Variants in FRMD6 observed in about 807,000 individuals in gnomAD.
FRMD6 encodes FERM domain containing 6, also known as FERM domain-containing protein 6.
FRMD6 carries 37 observed loss-of-function variants against 73.2 expected under a neutral mutation model. That is an observed-to-expected ratio of 0.51 (90% CI 0.39 to 0.66). The LOEUF (loss-of-function observed/expected upper bound fraction) is 0.66, where lower values mean the gene tolerates loss of function less well. Ranked by LOEUF, FRMD6 falls within the 30% of genes least tolerant of loss-of-function variation. The pLI, the probability that FRMD6 is intolerant of heterozygous loss-of-function variation, is 0.00. For missense variants in FRMD6, 714 were observed against 780.5 expected (o/e 0.91, Z 1.02); for synonymous variants, 273 against 282.2 (o/e 0.97, Z 0.33).
At chr14:51,514,930 G>T (rs995805311) in intron 1 of FRMD6, among the ~76,000 whole-genome samples, 2 of 152,224 alleles carry the variant, frequency 1.3e-5, no homozygotes, top group Non-Finnish European at 2.9e-5. Context: ...GAAGGTGGTT[G>T]TGGGTATTGC....
At chr14:51,417,135 G>A in the FRMD6 span, among the ~76,000 whole-genome samples, 1 of 152,212 alleles carries the variant, frequency 6.6e-6, no homozygotes, top group African/African-American at 2.4e-5. Context: ...TTTAATTGAG[G>A]CATTTAGCCC....
the FRMD6 span, among the ~76,000 whole-genome samples, chr14:51,466,112 ATACTT>A: frequency 6.6e-6 from 1 of 152,202 alleles, no homozygotes; most frequent in Admixed American, 6.5e-5. Context: ...AAGTGTTCGA[ATACTT>A]TACCCATTAA....
chr14:51,524,544 G>T (rs907133991), intron 1 of FRMD6, among the ~76,000 whole-genome samples: 4 of 151,062 alleles, frequency 2.6e-5, no homozygotes, highest in African/African-American at 9.8e-5. Context: ...GACGGGGGGG[G>T]TCTCTTTGTT....
At chr14:51,601,556 GCTTTA>G (rs1330867617) in intron 2 of FRMD6, among the ~76,000 whole-genome samples, 17 of 152,158 alleles carry the variant, frequency 1.1e-4, no homozygotes, top group African/African-American at 3.6e-4. Flanking sequence ...TTTGTTTGGA[GCTTTA>G]CAAATCTCTA....
intron 1 of FRMD6, among the ~76,000 whole-genome samples, chr14:51,663,328 A>G (rs1357526475): frequency 6.6e-6 from 1 of 152,226 alleles, no homozygotes; most frequent in East Asian, 1.9e-4. Context: ...GTTCATTGCT[A>G]CACTATTCAC....
chr14:51,439,143 G>A, the FRMD6 span, among the ~76,000 whole-genome samples: 1 of 152,150 alleles, frequency 6.6e-6, no homozygotes, highest in South Asian at 2.1e-4. Flanking sequence ...GAAATTCAAA[G>A]CTTTTTGATG....
the FRMD6 span, among the ~76,000 whole-genome samples, chr14:51,438,407 C>A: frequency 6.6e-6 from 1 of 152,200 alleles, no homozygotes; most frequent in African/African-American, 2.4e-5. Context: ...TAAAAGTGTA[C>A]AAGTTGCTTT....
chr14:51,509,973 C>T (rs1300315324), intron 1 of FRMD6, among the ~76,000 whole-genome samples: 2 of 152,208 alleles, frequency 1.3e-5, no homozygotes, highest in Non-Finnish European at 2.9e-5. Context: ...CCAATGGAGG[C>T]GGTCCAAGAT....
chr14:51,706,416 T>C (rs1215716602), intron 6 of FRMD6, among the ~76,000 whole-genome samples: 1 of 152,060 alleles, frequency 6.6e-6, no homozygotes. Context: ...CTCTGTCACC[T>C]GTGGAGTGAA....
chr14:51,587,353 T>G (rs1398267595), intron 2 of FRMD6, among the ~76,000 whole-genome samples: 1 of 152,172 alleles, frequency 6.6e-6, no homozygotes, highest in Non-Finnish European at 1.5e-5. Flanking sequence ...GAGTGTCACC[T>G]CCTCTTAGAT....
the FRMD6 span, chr14:51,397,210 A>G: frequency 3.9e-5 from 6 of 152,358 alleles, no homozygotes; most frequent in African/African-American, 7.2e-5. Context: ...GAGTCTATAT[A>G]TATACATCAG....
At chr14:51,727,094 G>A (rs142141088) in intron 13 of FRMD6, among the ~76,000 whole-genome samples, 3,961 of 151,606 alleles carry the variant, frequency 0.026, 81 homozygotes, top group Non-Finnish European at 0.036. Context: ...ACTCGTGTTC[G>A]GGAACTTAGT....
At chr14:51,711,437 T>C (rs1489361165) in intron 7 of FRMD6, 94 bp from the exon 8 acceptor site, 2 of 791,388 alleles carry the variant, frequency 2.5e-6, no homozygotes, top group Non-Finnish European at 3.9e-6. Context: ...CAGTCCTGAA[T>C]TTCAATCCTG....
intron 3 of FRMD6, 59 bp from the exon 4 acceptor site, chr14:51,700,996 AT>A (rs568023592): frequency 2.3e-4 from 179 of 767,650 alleles, no homozygotes; most frequent in African/African-American, 8.2e-4. Flanking sequence ...TTCTTTCTAT[AT>A]TTTTTTTCTT....
At chr14:51,590,334 G>T (rs1190535927) in intron 2 of FRMD6, among the ~76,000 whole-genome samples, 1 of 151,918 alleles carries the variant, frequency 6.6e-6, no homozygotes, top group Non-Finnish European at 1.5e-5. Flanking sequence ...GATTTTTTTG[G>T]TTTGTTTTTG....
rs555745715 is a variant in FRMD6 at position 51,504,058 on chromosome 14, CG to C, written c.-210+14643del. Among the ~76,000 whole-genome samples, 566 of 152,072 alleles carry C rather than the reference CG, an allele frequency of 3.7e-3. 4 individuals are homozygous for C. Among genetic ancestry groups the C allele is most frequent in the African/African-American group, 0.013 (543 of 41,460 alleles). On this transcript the variant is annotated intron_variant, in intron 1 of 14. Transcript: ENST00000356218. ...ATCTTCTAGTGGTTGTTTGTATTTC[CG>C]GGGGTCAGTGGTGATATCCCCCTTA...
Position 51,504,621 on chromosome 14 carries a change from G to A in FRMD6, c.-210+15201G>A, listed in dbSNP as rs188994418. Among the ~76,000 whole-genome samples, 5 of 152,162 alleles carry A rather than the reference G, an allele frequency of 3.3e-5. No homozygotes were observed. The East Asian group carries it at 5.8e-4, about 18-fold the overall frequency. On this transcript the variant is annotated intron_variant, in intron 1 of 14. Coordinates refer to the FRMD6 transcript ENST00000356218. ...TTTAACCCTGTCTACTTTTCTCACC[G>A]GACCTCTTCAGATCCTCTTTCTCTG... is the stretch of plus-strand genomic sequence containing the variant.
intron 1 of FRMD6, among the ~76,000 whole-genome samples, chr14:51,673,693 G>A (rs1204415958): frequency 6.6e-6 from 1 of 152,120 alleles, no homozygotes; most frequent in East Asian, 1.9e-4. Flanking sequence ...CCCAAAACTG[G>A]AAGAAACGCA....
chr14:51,588,041 A>G (rs1889156462), intron 2 of FRMD6, among the ~76,000 whole-genome samples: 1 of 151,952 alleles, frequency 6.6e-6, no homozygotes. Context: ...TAGCATTACT[A>G]TAGTCTGTAT....
Sources: gnomAD v4.1 joint callset for allele counts (sites outside exome capture counted in the v4.1 genomes callset) on GRCh38, gnomAD v4.1.1 for gene constraint, MANE v1.5 for transcripts, NCBI Gene and HGNC (gene_info 2026-07-23, HGNC 2026-07-21) for gene names.